ZNF263: variants seen among roughly 807,000 people sequenced by gnomAD.
The protein encoded by ZNF263 is zinc finger protein 263.
In ZNF263, 49 loss-of-function variants were observed where a neutral mutation model predicts 63.1. The observed-to-expected ratio is 0.78, with a 90% CI of 0.62 to 0.99. ZNF263 has a LOEUF of 0.99. Among genes scored for constraint, ZNF263 ranks in the 50% least tolerant of loss-of-function variants. The pLI is 0.00. For synonymous variants in ZNF263, 352 were observed against 324.2 expected (o/e 1.09, Z -0.92); for missense variants, 872 against 854.8 (o/e 1.02, Z -0.25).
chr16:3,289,483 G>C lies in ZNF263; in HGVS notation c.977G>C (p.Gly326Ala). 1 of 1,550,042 alleles carries C rather than the reference G, an allele frequency of 6.5e-7. No individual in the cohort carries two copies. The highest frequency in any genetic ancestry group is 8.7e-7 in the Non-Finnish European group (1 of 1,149,832). The stretch of plus-strand genomic sequence containing the variant: ...GTGCTGCTTCCTGACCAGGCCCGAG[G>C]GGAGGTGCCCTGGAGTCCTGAGCTG... ...PQVLLPDQARGEVPWSPELGR... is the reference protein window; with the variant it reads ...PQVLLPDQARAEVPWSPELGR... Residue 326 changes from glycine (G) to alanine (A), a missense_variant, in exon 6 of 6, where the codon GGG becomes GCG. Physicochemically the swap from Gly to Ala is moderately conservative, Grantham distance 60. Transcript: ENST00000219069.
chr16:3,298,554 G>T (rs1347562289), intron 1 of ZNF263, among the ~76,000 whole-genome samples: 1 of 152,012 alleles, frequency 6.6e-6, no homozygotes, highest in Non-Finnish European at 1.5e-5. Context: ...CACAGTAAGA[G>T]GAAAACAAAC....
chr16:3,289,861 A>C lies in ZNF263; in HGVS notation c.1355A>C (p.His452Pro). Reference sequence around the variant, plus strand: ...AGTCAGAACACCCATCTGACTCGCCACCAACGCACCCACACGGGTGAGAAG... The same window carrying C: ...AGTCAGAACACCCATCTGACTCGCCCCCAACGCACCCACACGGGTGAGAAG... ...CFSQNTHLTR[H>P]QRTHTGEKPY... Residue 452 changes from histidine to proline, a missense_variant, in exon 6 of 6, where the codon CAC becomes CCC. His to Pro is a moderately conservative substitution (Grantham distance 77, BLOSUM62 -2). Coordinates refer to ENST00000219069, the MANE Select transcript of ZNF263 (RefSeq NM_005741.5). 6.2e-7 allele frequency: 1 copy of C among 1,614,228 alleles called. No homozygotes were observed. Among genetic ancestry groups the C allele is most frequent in the Non-Finnish European group, 8.5e-7 (1 of 1,180,052 alleles).
chr16:3,300,004 T>C (rs1334293908), intron 2 of ZNF263: 2 of 1,614,222 alleles, frequency 1.2e-6, no homozygotes, highest in Non-Finnish European at 1.7e-6. Flanking sequence ...TTTGTTTATT[T>C]TCTTCCCTGG....
In ZNF263 at chr16:3,284,219, A is replaced by G. The variant is rs766319744; in HGVS notation, c.387+14A>G. The G allele has an allele frequency of 1.3e-6, 2 of 1,511,654 alleles. No homozygotes were observed. The highest frequency in any genetic ancestry group is 1.8e-6 in the Non-Finnish European group (2 of 1,128,820). 93.6% of individuals were successfully genotyped at this position (1,511,654 alleles called of 1,614,324 possible). A position where few individuals can be genotyped will look rare whatever the true frequency, so the allele number is the denominator to read the frequency against. Reference sequence around the variant, plus strand: ...CTGAGACAACAGGTGAGAGAGAGAGAGAGCTGTTTTATCTGTGGTTTGTTT... The same window carrying G: ...CTGAGACAACAGGTGAGAGAGAGAGGGAGCTGTTTTATCTGTGGTTTGTTT... On this transcript the variant is annotated intron_variant, in intron 1 of 5. Transcript: ENST00000219069.
intron 2 of ZNF263, chr16:3,300,841 C>T (rs180889763): frequency 4.4e-5 from 25 of 565,470 alleles, no homozygotes; most frequent in African/African-American, 3.5e-4. Flanking sequence ...AAAGTCCTGT[C>T]TGGCTCTTGC....
rs79130081 is a variant in ZNF263, at chr16:3,300,709, T to C, written c.*47-204T>C. The C allele has an allele frequency of 1.0e-3, 1,520 of 1,485,250 alleles. 22 individuals carry two copies. In the African/African-American group the frequency reaches 0.019, roughly 19 times the overall value. 92.0% of individuals were successfully genotyped at this position (1,485,250 alleles called of 1,614,324 possible). On this transcript the variant is annotated intron_variant, in intron 2 of 2. Coordinates refer to the ZNF263 transcript ENST00000574674. ...AAACCCACATTTTTTAAACAAAACT[T>C]AGCTGAAAGCCCCAGAAGGCATGGG...
intron 5 of ZNF263, 45 bp from the exon 6 acceptor site, chr16:3,289,348 C>T (rs762810965): frequency 7.2e-5 from 107 of 1,487,154 alleles, no homozygotes; most frequent in Non-Finnish European, 8.3e-5. Context: ...TTCTTTTCTC[C>T]AGCATAGAAA....
At chr16:3,300,436 T>C (rs746437042) in intron 2 of ZNF263, 5 of 1,614,248 alleles carry the variant, frequency 3.1e-6, no homozygotes, top group East Asian at 4.5e-5. Flanking sequence ...TAATGGCATG[T>C]CCTGCTTCAG....
At position 3,290,919 on chromosome 16, in the gene ZNF263, C is replaced by T. The variant is rs1201557931; in HGVS notation, c.*361C>T. On this transcript the variant is annotated 3_prime_UTR_variant, in exon 6 of 6. Coordinates refer to ENST00000219069, the MANE Select transcript of ZNF263 (RefSeq NM_005741.5). ...GGGAATCCATGTGATGTTTTTGATA[C>T]TTCTTCCTCATTTGGGACATTCAGT... 4 of 1,018,298 alleles carry T rather than the reference C, an allele frequency of 3.9e-6. No homozygotes were observed. Among genetic ancestry groups the T allele is most frequent in the East Asian group, 9.0e-5 (1 of 11,070 alleles). The allele number at this position is 1,018,298 out of a possible 1,614,324, so 63.1% of individuals were successfully genotyped here. A position where few individuals can be genotyped will look rare whatever the true frequency, so the allele number is the denominator to read the frequency against.
intron 2 of ZNF263, chr16:3,299,724 A>C (rs368954504): frequency 5.6e-5 from 86 of 1,535,752 alleles, no homozygotes; most frequent in Non-Finnish European, 7.3e-5. Context: ...GAGCCGGGCA[A>C]CTGTCCAGAA....
intron 1 of ZNF263, among the ~76,000 whole-genome samples, chr16:3,297,523 G>C (rs1567257204): frequency 3.0e-5 from 4 of 134,912 alleles, no homozygotes; most frequent in African/African-American, 1.1e-4. Context: ...GGAGTGCAGT[G>C]GCGCGATCTC....
chr16:3,286,179 T>C, intron 4 of ZNF263, 30 bp downstream of exon 4: 1 of 1,566,234 alleles, frequency 6.4e-7, no homozygotes, highest in South Asian at 1.2e-5. Context: ...GGATGATGAC[T>C]GCGCCATTTC....
At chr16:3,301,308 A>T (rs1959934221) in exon 3 of ZNF263, 1 of 167,174 alleles carries the variant, frequency 6.0e-6, no homozygotes, top group African/African-American at 2.4e-5. Context: ...GAACAGTTGT[A>T]CCGAATCTTG....
At chr16:3,286,191 G>T in intron 4 of ZNF263, 42 bp downstream of exon 4, 1 of 1,550,478 alleles carries the variant, frequency 6.4e-7, no homozygotes, top group South Asian at 1.3e-5. Context: ...CGCCATTTCT[G>T]ACCAGGGTCC....
chr16:3,286,934 AG>A (rs1372502909), intron 4 of ZNF263: 1 of 152,184 alleles, frequency 6.6e-6, no homozygotes, highest in Non-Finnish European at 1.5e-5. Context: ...ACACACCAGT[AG>A]AAAGACTCAC....
Position 3,283,551 on chromosome 16 carries a change from A to C in ZNF263, c.-268A>C, listed in dbSNP as rs201726814. 2 of 175,918 alleles carry C rather than the reference A, an allele frequency of 1.1e-5. No homozygotes were observed. Among genetic ancestry groups the C allele is most frequent in the Non-Finnish European group, 9.5e-6 (1 of 105,510 alleles). 10.9% of individuals were successfully genotyped at this position (175,918 alleles called of 1,614,324 possible). On this transcript the variant is annotated 5_prime_UTR_variant, in exon 1 of 6. Transcript: ENST00000219069. ...GGTCTGAGTCTTGCGTGGGTCCTCTATATAGGGTGAGAAGCGTGGCGCTCG... is the reference window on the plus strand; with the variant it reads ...GGTCTGAGTCTTGCGTGGGTCCTCTCTATAGGGTGAGAAGCGTGGCGCTCG...
Position 3,285,218 on chromosome 16 carries a change from C to G in ZNF263, c.547C>G (p.Pro183Ala). 1 of 1,613,182 alleles carries G rather than the reference C, an allele frequency of 6.2e-7. No individual in the cohort carries two copies. Among genetic ancestry groups the G allele is most frequent in the Non-Finnish European group, 8.5e-7 (1 of 1,179,804 alleles). ...GCTAGGCCCCAGCCCCCAAAGGGAC[C>G]CCCAGGCTGTAAAGGAGAGGGGTGA... ...ELLGPSPQRDPQAVKERALSA... is the reference protein window; with the variant it reads ...ELLGPSPQRDAQAVKERALSA... Residue 183 changes from proline to alanine, a missense_variant, in exon 2 of 6, where the codon CCC becomes GCC. Transcript: ENST00000219069.
rs1567257133 is a variant in ZNF263, at chr16:3,297,453, ATTCT to A, written c.152-1650_152-1647del. Among the ~76,000 whole-genome samples, 6 of 124,998 alleles carry A rather than the reference ATTCT, an allele frequency of 4.8e-5. No homozygotes were observed. In the South Asian group the frequency reaches 1.0e-3, roughly 22 times the overall value. The allele number at this position is 124,998 out of a possible 152,430, so 82.0% of individuals were successfully genotyped here. A position where few individuals can be genotyped will look rare whatever the true frequency, so the allele number is the denominator to read the frequency against. Reference sequence around the variant, plus strand: ...AACAGAATACCCATCTCAGAAACAGATTCTTTTTTTTTTTTTTTTTTTTTTTTTT... The same window carrying A: ...AACAGAATACCCATCTCAGAAACAGATTTTTTTTTTTTTTTTTTTTTTTTT... On this transcript the variant is annotated intron_variant, in intron 1 of 2. Transcript: ENST00000574674.
Position 3,290,518 on chromosome 16 carries a change from G to A in ZNF263, c.2012G>A (p.Ser671Asn). ...GAATGTGGAGAAAGCTTCTCTCGGA[G>A]TTCCCGTCTTATGAGTCATCAGAGA... ...CSECGESFSR[S>N]SRLMSHQRTH... Residue 671 changes from serine to asparagine, a missense_variant, in exon 6 of 6, where the codon AGT becomes AAT. Physicochemically the swap from Ser to Asn is conservative, Grantham distance 46. Coordinates refer to ENST00000219069, the MANE Select transcript of ZNF263 (RefSeq NM_005741.5). 1 of 1,613,768 alleles carries A rather than the reference G, an allele frequency of 6.2e-7. No homozygotes were observed. Among genetic ancestry groups the A allele is most frequent in the South Asian group, 1.1e-5 (1 of 91,044 alleles).
Sources: gnomAD v4.1 joint callset for allele counts (sites outside exome capture counted in the v4.1 genomes callset) on GRCh38, gnomAD v4.1.1 for gene constraint, MANE v1.5 for transcripts, NCBI Gene and HGNC (gene_info 2026-07-23, HGNC 2026-07-21) for gene names.